The following MIGA1 variants were observed in gnomAD, a reference collection of about 807,000 sequenced individuals.
The protein encoded by MIGA1 is family with sequence similarity 73, member A.
In MIGA1, 58 loss-of-function variants were observed where a neutral mutation model predicts 82.0. The ratio of observed to expected loss-of-function variants is 0.71; its 90% CI spans 0.57 to 0.88. The LOEUF is 0.88. Among genes scored for constraint, MIGA1 ranks in the 40% least tolerant of loss-of-function variants. MIGA1 has a pLI of 0.00. For missense variants in MIGA1, 751 were observed against 749.1 expected, an observed-to-expected ratio of 1.00 and a Z score of -0.03; for synonymous variants, 249 against 253.6, an observed-to-expected ratio of 0.98 and a Z score of 0.17.
At position 77,779,726 on chromosome 1, in the gene MIGA1, T is replaced by G. The variant is rs1424275075; in HGVS notation, c.71T>G (p.Leu24Arg). 1 of 1,564,828 alleles carries G rather than the reference T, an allele frequency of 6.4e-7. No individual in the cohort carries two copies. The highest frequency in any genetic ancestry group is 8.7e-7 in the Non-Finnish European group (1 of 1,154,836). The change falls in exon 1 of 16, where the codon CTG becomes CGG. Residue 24 changes from leucine to arginine, a missense_variant. By Grantham distance (102) the Leu-to-Arg change is moderately radical. This residue lies in a region of MIGA1 where 482 missense variants were observed against 439.4 expected (regional missense o/e 1.10). Coordinates refer to ENST00000370791, the MANE Select transcript of MIGA1 (RefSeq NM_198549.4). ...GTGGGCAGGCCAGCTGTACCTGGCCTGGAGCTCCAGGTACAGGGCCAGGGG... is the reference window on the plus strand; with the variant it reads ...GTGGGCAGGCCAGCTGTACCTGGCCGGGAGCTCCAGGTACAGGGCCAGGGG...
chr1:77,861,001 TA>T, intron 11 of MIGA1: 1 of 454,264 alleles, frequency 2.2e-6, no homozygotes, highest in Non-Finnish European at 3.9e-6. Flanking sequence ...ATTTGAGTAA[TA>T]AATAGTTTGC....
intron 1 of MIGA1, among the ~76,000 whole-genome samples, chr1:77,782,395 T>C (rs534000418): frequency 6.6e-6 from 1 of 152,316 alleles, no homozygotes; most frequent in East Asian, 1.9e-4. Context: ...CTATGGTCTT[T>C]TATTTCAGGG....
chr1:77,786,215 C>T (rs1424312799), intron 2 of MIGA1, among the ~76,000 whole-genome samples: 1 of 152,172 alleles, frequency 6.6e-6, no homozygotes, highest in African/African-American at 2.4e-5. Flanking sequence ...TGCAGGGCAC[C>T]AAGTCCCTAG....
intron 7 of MIGA1, among the ~76,000 whole-genome samples, chr1:77,826,751 A>G (rs946670124): frequency 6.6e-6 from 1 of 152,016 alleles, no homozygotes; most frequent in Non-Finnish European, 1.5e-5. Context: ...CTGGGATTAC[A>G]GACATGAGCC....
intron 4 of MIGA1, among the ~76,000 whole-genome samples, chr1:77,803,963 A>T (rs1349821820): frequency 6.6e-6 from 1 of 152,196 alleles, no homozygotes; most frequent in African/African-American, 2.4e-5. Context: ...GATAAAGGTG[A>T]TGGATACCCC....
chr1:77,806,982 G>C lies in MIGA1; in HGVS notation c.518G>C (p.Ser173Thr). ...TATCCATCTTAATTTTAGGTCCAGA[G>C]TGTCAATTCTTGTCATAGCTGCGCT... The change falls in exon 5 of 16, where the codon AGT (serine) becomes ACT (threonine). Residue 173 changes from serine (S) to threonine (T), a missense_variant. Around this residue, in one of 3 missense-constraint regions of MIGA1, gnomAD observed 482 missense variants for 439.4 expected, o/e 1.10. Coordinates refer to ENST00000370791, the MANE Select transcript of MIGA1 (RefSeq NM_198549.4). 6.2e-7 allele frequency: 1 copy of C among 1,611,200 alleles called. No individual in the cohort carries two copies. Among genetic ancestry groups the C allele is most frequent in the Middle Eastern group, 1.7e-4 (1 of 6,050 alleles).
intron 2 of MIGA1, 28 bp downstream of exon 2, chr1:77,783,379 G>T: frequency 7.4e-7 from 1 of 1,357,404 alleles, no homozygotes; most frequent in Non-Finnish European, 1.0e-6. Flanking sequence ...ACAGGAAGTT[G>T]AATATTAAGC....
chr1:77,870,865 C>T (rs1414430631), intron 14 of MIGA1, among the ~76,000 whole-genome samples: 1 of 151,218 alleles, frequency 6.6e-6, no homozygotes, highest in African/African-American at 2.4e-5. Context: ...GCGGATCACT[C>T]GCGGTTAGGA....
At chr1:77,832,655 G>A (rs983751500) in intron 7 of MIGA1, among the ~76,000 whole-genome samples, 2 of 152,170 alleles carry the variant, frequency 1.3e-5, no homozygotes, top group Admixed American at 6.5e-5. Flanking sequence ...GCCTGTTTAG[G>A]GAACTACAAG....
intron 14 of MIGA1, among the ~76,000 whole-genome samples, chr1:77,870,193 A>C (rs1233001649): frequency 1.5e-4 from 15 of 97,450 alleles, no homozygotes; most frequent in South Asian, 5.1e-4. Context: ...CACCTCCCGG[A>C]CGGGGCGGCT....
In MIGA1 at chr1:77,862,658, C is replaced by T. The variant is rs572531500; in HGVS notation, c.1375-1236C>T. ...CAGCCTGGGTGGCAGAGCGAGACTC[C>T]GTCACACACACACACAAAAGGAATG... On this transcript the variant is annotated intron_variant, in intron 12 of 15. Transcript: ENST00000370791. Among the ~76,000 whole-genome samples, 12 of 147,776 alleles carry T rather than the reference C, an allele frequency of 8.1e-5. No individual in the cohort carries two copies. In the South Asian group the frequency reaches 8.7e-4, roughly 11 times the overall value.
intron 7 of MIGA1, among the ~76,000 whole-genome samples, chr1:77,841,911 G>A (rs1684644351): frequency 6.8e-6 from 1 of 147,294 alleles, no homozygotes; most frequent in South Asian, 2.1e-4. Flanking sequence ...CAGTTTTCCT[G>A]CCTCAGCCTC....
At chr1:77,794,497 AT>A (rs1682572827) in intron 2 of MIGA1, among the ~76,000 whole-genome samples, 1 of 152,174 alleles carries the variant, frequency 6.6e-6, no homozygotes, top group South Asian at 2.1e-4. Context: ...TCAGGGTTGG[AT>A]TCAAGTTATG....
intron 2 of MIGA1, among the ~76,000 whole-genome samples, chr1:77,799,436 C>G (rs1200019682): frequency 6.6e-6 from 1 of 152,156 alleles, no homozygotes; most frequent in Non-Finnish European, 1.5e-5. Context: ...AAATCAATTT[C>G]TGACTTATGT....
At chr1:77,855,026 G>A (rs1452130645) in intron 8 of MIGA1, among the ~76,000 whole-genome samples, 1 of 151,970 alleles carries the variant, frequency 6.6e-6, no homozygotes, top group Non-Finnish European at 1.5e-5. Context: ...TTGTAGTTTC[G>A]GGTCTTAGGT....
At chr1:77,861,486 G>A in intron 12 of MIGA1, 164 bp downstream of exon 12, 1 of 531,056 alleles carries the variant, frequency 1.9e-6, no homozygotes, top group Non-Finnish European at 3.3e-6. Context: ...CTTGTACGTT[G>A]GGGCAGTAGT....
chr1:77,791,815 C>T (rs1284743429), intron 2 of MIGA1, among the ~76,000 whole-genome samples: 1 of 152,102 alleles, frequency 6.6e-6, no homozygotes, highest in African/African-American at 2.4e-5. Context: ...CTACCTGCCT[C>T]AGCCTCCCAA....
intron 2 of MIGA1, among the ~76,000 whole-genome samples, chr1:77,794,964 GTT>G (rs1005428698): frequency 6.6e-6 from 1 of 151,758 alleles, no homozygotes; most frequent in Non-Finnish European, 1.5e-5. Flanking sequence ...GCCTTCAGGA[GTT>G]TTTTGTTTTT....
chr1:77,838,815 A>T (rs1456114324), intron 7 of MIGA1, among the ~76,000 whole-genome samples: 1 of 152,154 alleles, frequency 6.6e-6, no homozygotes, highest in African/African-American at 2.4e-5. Flanking sequence ...TGAATTTTGC[A>T]TGAGTGAATT....
Sources: allele counts gnomAD v4.1 joint callset (sites outside exome capture counted in the v4.1 genomes callset), GRCh38; gene constraint gnomAD v4.1.1; regional missense constraint gnomAD v4.1.1; transcripts MANE v1.5; gene names NCBI Gene and HGNC (gene_info 2026-07-23, HGNC 2026-07-21).